The following AXIN1 variants were observed in gnomAD, a reference collection of about 807,000 sequenced individuals.
The protein encoded by AXIN1 is axin-1.
AXIN1 carries 30 observed loss-of-function variants against 76.4 expected under a neutral mutation model. The ratio of observed to expected loss-of-function variants is 0.39; its 90% CI spans 0.29 to 0.53. The LOEUF is 0.53. Among genes scored for constraint, AXIN1 ranks in the 20% least tolerant of loss-of-function variants. AXIN1 has a pLI of 0.66. For missense variants in AXIN1, 1,140 were observed against 1,198.8 expected (o/e 0.95, Z 0.72); for synonymous variants, 545 against 501.4 (o/e 1.09, Z -1.16).
intron 2 of AXIN1, among the ~76,000 whole-genome samples, chr16:337,474 A>G (rs1301604191): frequency 1.3e-5 from 2 of 150,624 alleles, no homozygotes; most frequent in Non-Finnish European, 3.0e-5. Flanking sequence ...GTGAGCTAGT[A>G]AAGATCCAGA....
rs45530432 is a variant in AXIN1 at position 287,655 on chromosome 16, A to C, written c.*467T>G. On this transcript the variant is annotated 3_prime_UTR_variant, in exon 11 of 11. Coordinates refer to ENST00000262320, the MANE Select transcript of AXIN1 (RefSeq NM_003502.4). Reference sequence around the variant, plus strand: ...GCAGTGCTCCGTCGCCGATTCACACAGTGGCAGGCAAGAGACAAGCTGTGT... The same window carrying C: ...GCAGTGCTCCGTCGCCGATTCACACCGTGGCAGGCAAGAGACAAGCTGTGT... 4 of 317,312 alleles carry C rather than the reference A, an allele frequency of 1.3e-5. No individual in the cohort carries two copies. Among genetic ancestry groups the C allele is most frequent in the Non-Finnish European group, 2.4e-5 (4 of 168,798 alleles). The allele number at this position is 317,312 out of a possible 1,614,324, so 19.7% of individuals were successfully genotyped here.
chr16:307,278 C>T (rs1380203854), intron 4 of AXIN1, among the ~76,000 whole-genome samples: 2 of 152,190 alleles, frequency 1.3e-5, no homozygotes, highest in African/African-American at 2.4e-5. Flanking sequence ...CTCCAGGTGG[C>T]CTTGCAGGCT....
chr16:293,699 G>C lies in AXIN1; in HGVS notation c.1975C>G (p.Pro659Ala), dbSNP rs2141487219. 6.2e-7 allele frequency: 1 copy of C among 1,613,666 alleles called. No homozygotes were observed. The highest frequency in any genetic ancestry group is 1.1e-5 in the South Asian group (1 of 91,084). ...GGTCTGGAGTTCTCATGGGGCTGTG[G>C]CTTCCTCGTCCCCGAAGACCTTGGG... ...TGHGSSGTRK[P>A]QPHENSRPLS... Residue 659 changes from proline (P) to alanine (A), a missense_variant, in exon 8 of 11, where the codon CCA becomes GCA. Transcript: ENST00000262320. The surrounding 1 kb of genome is among the most constrained non-coding windows in gnomAD (Gnocchi z 4.6).
intron 2 of AXIN1, 35 bp downstream of exon 2, chr16:346,113 G>A (rs2141699686): frequency 6.2e-7 from 1 of 1,602,226 alleles, no homozygotes; most frequent in Non-Finnish European, 8.5e-7. Context: ...TCTCGGAGGT[G>A]AGTACAGAAA....
In AXIN1 at chr16:346,615, C is replaced by G. The variant is rs2141705188; in HGVS notation, c.411G>C (p.Arg137Ser). 1 of 1,595,790 alleles carries G rather than the reference C, an allele frequency of 6.3e-7. No homozygotes were observed. The highest frequency in any genetic ancestry group is 8.5e-7 in the Non-Finnish European group (1 of 1,169,620). ...LEPCDSNEEK[R>S]LKLARAIYRK... ...GGTAGATGGCTCTCGCCAGCTTCAG[C>G]CTCTTCTCCTCGTTCGAGTCACAGG... Residue 137 changes from arginine to serine, a missense_variant, in exon 2 of 11, where the codon AGG becomes AGC. Arg to Ser is a moderately radical substitution (Grantham distance 110). Coordinates refer to ENST00000262320, the MANE Select transcript of AXIN1 (RefSeq NM_003502.4).
At chr16:341,134 C>T (rs568384473) in intron 2 of AXIN1, among the ~76,000 whole-genome samples, 3 of 152,404 alleles carry the variant, frequency 2.0e-5, no homozygotes, top group Non-Finnish European at 2.9e-5. Context: ...TCGCTCTCAG[C>T]GCCTCCTCTG....
chr16:320,379 A>C (rs1231143303), intron 2 of AXIN1, among the ~76,000 whole-genome samples: 1 of 152,158 alleles, frequency 6.6e-6, no homozygotes, highest in Non-Finnish European at 1.5e-5. Context: ...TGAACTGCAA[A>C]GGGGTAAATG....
At position 352,488 on chromosome 16, in the gene AXIN1, G is replaced by GC; in HGVS notation, c.-202dup. ...CCCGGCGGGGGCGCGGCCCGGGGCG[G>GC]CCCCCATCTCGGCGGCTGCGGCTCG... On this transcript the variant is annotated 5_prime_UTR_variant, in exon 1 of 11. An upstream open reading frame in the 5' UTR loses its in-frame stop. Transcript: ENST00000262320. 1 of 915,530 alleles carries GC rather than the reference G, an allele frequency of 1.1e-6. No homozygotes were observed. Among genetic ancestry groups the GC allele is most frequent in the Non-Finnish European group, 1.3e-6 (1 of 769,370 alleles). 56.7% of individuals were successfully genotyped at this position (915,530 alleles called of 1,614,324 possible).
chr16:336,462 G>C (rs997190552), intron 2 of AXIN1, among the ~76,000 whole-genome samples: 1 of 152,146 alleles, frequency 6.6e-6, no homozygotes, highest in Non-Finnish European at 1.5e-5. Context: ...CTTGAAGTAA[G>C]GAAGTGTTAT....
rs1273270666 is a variant in AXIN1 at position 287,988 on chromosome 16, G to T, written c.*134C>A. The T allele has an allele frequency of 1.1e-5, 16 of 1,480,340 alleles. No individual in the cohort carries two copies. The highest frequency in any genetic ancestry group is 1.4e-5 in the Non-Finnish European group (15 of 1,074,248). 91.7% of individuals were successfully genotyped at this position (1,480,340 alleles called of 1,614,324 possible). On this transcript the variant is annotated 3_prime_UTR_variant, in exon 11 of 11. Coordinates refer to ENST00000262320, the MANE Select transcript of AXIN1 (RefSeq NM_003502.4). ...GACCCCCTACCTGCCTCTAGACACG[G>T]GTAGACCACAGGGATGGGTGGTACA... is the stretch of plus-strand genomic sequence containing the variant.
chr16:303,693 T>TACCTTTTC (rs1375153764), intron 5 of AXIN1, among the ~76,000 whole-genome samples: 4 of 152,190 alleles, frequency 2.6e-5, no homozygotes, highest in Non-Finnish European at 5.9e-5. Flanking sequence ...TTTCCCTTTT[T>TACCTTTTC]ACCTTTTCAC....
intron 2 of AXIN1, among the ~76,000 whole-genome samples, chr16:323,079 G>A (rs1409591192): frequency 1.3e-5 from 2 of 152,154 alleles, no homozygotes; most frequent in Admixed American, 1.3e-4. Flanking sequence ...CTTAAGCCCA[G>A]GAGTTCGAGA....
intron 5 of AXIN1, among the ~76,000 whole-genome samples, chr16:301,708 C>T (rs902734061): frequency 1.3e-5 from 2 of 152,116 alleles, no homozygotes; most frequent in African/African-American, 2.4e-5. Context: ...CGGGTGAAGG[C>T]GCAAAGATCA....
chr16:293,090 T>C lies in AXIN1; in HGVS notation c.2186+398A>G, dbSNP rs1376440124. 3.7e-6 allele frequency: 1 copy of C among 268,034 alleles called. No individual in the cohort carries two copies. Among genetic ancestry groups the C allele is most frequent in the Admixed American group, 4.8e-5 (1 of 20,860 alleles). 16.6% of individuals were successfully genotyped at this position (268,034 alleles called of 1,614,324 possible). A position where few individuals can be genotyped will look rare whatever the true frequency, so the allele number is the denominator to read the frequency against. On this transcript the variant is annotated intron_variant, in intron 8 of 10. Coordinates refer to ENST00000262320, the MANE Select transcript of AXIN1 (RefSeq NM_003502.4). The surrounding 1 kb of genome is among the most constrained non-coding windows in gnomAD (Gnocchi z 4.6). ...CCACTCAGGGCTCCTGGGACGCAAC[T>C]GTCAAGAGGCAGCCGCCATGCCTCC...
chr16:330,095 C>G (rs1399221171), intron 2 of AXIN1, among the ~76,000 whole-genome samples: 1 of 147,810 alleles, frequency 6.8e-6, no homozygotes, highest in South Asian at 2.2e-4. Context: ...GGGTCTCTCT[C>G]TGTCAACCAG....
At chr16:348,492 C>T (rs148092190) in intron 1 of AXIN1, among the ~76,000 whole-genome samples, 28 of 152,358 alleles carry the variant, frequency 1.8e-4, no homozygotes, top group African/African-American at 6.7e-4. Context: ...CAGCTGCTCA[C>T]GGCTGGAAGC....
chr16:337,413 G>A (rs1192052378), intron 2 of AXIN1, among the ~76,000 whole-genome samples: 2 of 151,338 alleles, frequency 1.3e-5, no homozygotes, highest in Non-Finnish European at 2.9e-5. Context: ...CACTCCTTAG[G>A]GTTATTTTAA....
At chr16:301,463 C>T (rs910403507) in intron 5 of AXIN1, among the ~76,000 whole-genome samples, 17 of 151,980 alleles carry the variant, frequency 1.1e-4, no homozygotes, top group African/African-American at 4.1e-4. Context: ...GAGAGCCACA[C>T]ACTCAGCACC....
chr16:293,641 T>C lies in AXIN1; in HGVS notation c.2033A>G (p.Gln678Arg), dbSNP rs2141486513. 1 of 1,613,566 alleles carries C rather than the reference T, an allele frequency of 6.2e-7. No individual in the cohort carries two copies. Among genetic ancestry groups the C allele is most frequent in the Non-Finnish European group, 8.5e-7 (1 of 1,179,980 alleles). The change falls in exon 8 of 11, where the codon CAG (glutamine) becomes CGG (arginine). Residue 678 changes from glutamine to arginine, a missense_variant. Gln to Arg is a conservative substitution (Grantham distance 43). Around this residue, in one of 3 missense-constraint regions of AXIN1, gnomAD observed 429 missense variants for 405.8 expected, o/e 1.06. Transcript: ENST00000262320. This position sits in a 1 kb window ranked among gnomAD's most constrained non-coding sequence, Gnocchi z 4.6. Reference sequence around the variant, plus strand: ...GGAGGGCTGCACGGAGGTCCGGAGCTGAGGGCCGGCCCAGGGGTGCTCAAG... The same window carrying C: ...GGAGGGCTGCACGGAGGTCCGGAGCCGAGGGCCGGCCCAGGGGTGCTCAAG... ...LSLEHPWAGP[Q>R]LRTSVQPSHL...
Sources: gnomAD v4.1 joint callset for allele counts (sites outside exome capture counted in the v4.1 genomes callset) on GRCh38, gnomAD v4.1.1 for gene constraint, gnomAD v4.1.1 regional missense constraint, Gnocchi (gnomAD v3.1) non-coding constraint, MANE v1.5 for transcripts, NCBI Gene and HGNC (gene_info 2026-07-23, HGNC 2026-07-21) for gene names.